The following PRKAG2 variants were observed in gnomAD, a reference collection of about 807,000 sequenced individuals.
PRKAG2 encodes the protein 5'-AMP-activated protein kinase subunit gamma-2.
In PRKAG2, 26 loss-of-function variants were observed where a neutral mutation model predicts 69.6. The ratio of observed to expected loss-of-function variants is 0.37; its 90% CI spans 0.27 to 0.52. PRKAG2 has a LOEUF of 0.52. PRKAG2 is among the 20% of genes least tolerant of loss of function. PRKAG2 has a pLI of 0.90. For missense variants in PRKAG2, 557 were observed against 740.0 expected, an observed-to-expected ratio of 0.75 and a Z score of 2.87; for synonymous variants, 293 against 285.0, an observed-to-expected ratio of 1.03 and a Z score of -0.28.
chr7:151,815,121 T>C (rs1016239121), intron 1 of PRKAG2, among the ~76,000 whole-genome samples: 1 of 152,178 alleles, frequency 6.6e-6, no homozygotes, highest in Admixed American at 6.5e-5. Context: ...TTTTCCCCTC[T>C]GGCCAGAAGG....
rs570004246 is a variant in PRKAG2 at position 151,601,604 on chromosome 7, A to G, written c.755-6150T>C. Among the ~76,000 whole-genome samples the G allele has an allele frequency of 3.3e-5, 5 of 152,280 alleles. No homozygotes were observed. In the South Asian group the frequency reaches 1.0e-3, roughly 32 times the overall value. On this transcript the variant is annotated intron_variant, in intron 5 of 15. Transcript: ENST00000287878. ...TGCTCTGAGGCTGTACAGACCTCAGAACTGTCTCGTGGGAGGACCACTCCT... is the reference window on the plus strand; with the variant it reads ...TGCTCTGAGGCTGTACAGACCTCAGGACTGTCTCGTGGGAGGACCACTCCT...
intron 3 of PRKAG2, among the ~76,000 whole-genome samples, chr7:151,750,496 A>G (rs1280850146): frequency 6.6e-6 from 1 of 152,254 alleles, no homozygotes; most frequent in Non-Finnish European, 1.5e-5. Flanking sequence ...TAGAAGCCAC[A>G]TGCAGAAGCC....
At chr7:151,733,164 C>G (rs1038482960) in intron 3 of PRKAG2, among the ~76,000 whole-genome samples, 2 of 152,222 alleles carry the variant, frequency 1.3e-5, no homozygotes, top group African/African-American at 4.8e-5. Flanking sequence ...TCCCGCCTCC[C>G]ACCCAGCCTA....
At chr7:151,761,339 G>T (rs1234347856) in intron 3 of PRKAG2, among the ~76,000 whole-genome samples, 1 of 152,140 alleles carries the variant, frequency 6.6e-6, no homozygotes, top group Non-Finnish European at 1.5e-5. Flanking sequence ...TTGTCCCGAG[G>T]TCACAAGATT....
At chr7:151,624,615 T>C (rs1011943113) in intron 5 of PRKAG2, among the ~76,000 whole-genome samples, 1 of 151,972 alleles carries the variant, frequency 6.6e-6, no homozygotes, top group Admixed American at 6.6e-5. Flanking sequence ...GAAAGGAAGG[T>C]GTCAAGGCGA....
intron 4 of PRKAG2, among the ~76,000 whole-genome samples, chr7:151,641,013 T>G (rs1826573089): frequency 6.6e-6 from 1 of 152,224 alleles, no homozygotes; most frequent in Admixed American, 6.5e-5. Context: ...ACCTCATTGC[T>G]GTTTGGAAAT....
At chr7:151,783,197 C>A (rs1308803000) in intron 2 of PRKAG2, among the ~76,000 whole-genome samples, 1 of 152,254 alleles carries the variant, frequency 6.6e-6, no homozygotes, top group Non-Finnish European at 1.5e-5. Context: ...GCCTCTCCAG[C>A]CGAAAGAGCC....
chr7:151,777,529 C>G lies in PRKAG2; in HGVS notation c.466+3623G>C, dbSNP rs1226621820. On this transcript the variant is annotated intron_variant, in intron 3 of 15. Coordinates refer to ENST00000287878, the MANE Select transcript of PRKAG2 (RefSeq NM_016203.4). The surrounding 1 kb of genome is among the most constrained non-coding windows in gnomAD (Gnocchi z 4.3). Reference sequence around the variant, plus strand: ...AAAGACTCCAGTACCTCCCCCCTCTCTCTTGCTCCCTTGCGTGTGAGCTCT... The same window carrying G: ...AAAGACTCCAGTACCTCCCCCCTCTGTCTTGCTCCCTTGCGTGTGAGCTCT... Among the ~76,000 whole-genome samples, 2 of 152,178 alleles carry G rather than the reference C, an allele frequency of 1.3e-5. No individual in the cohort carries two copies. The highest frequency in any genetic ancestry group is 4.8e-5 in the African/African-American group (2 of 41,438).
chr7:151,662,461 TA>T (rs1432514870), intron 4 of PRKAG2, among the ~76,000 whole-genome samples: 8 of 152,328 alleles, frequency 5.3e-5, no homozygotes, highest in African/African-American at 1.9e-4. Context: ...TGCACTTTTA[TA>T]ATGAATTCCT....
chr7:151,595,338 C>T lies in PRKAG2; in HGVS notation c.864+7G>A. On this transcript the variant is annotated splice_region_variant and intron_variant, in intron 6 of 15. Transcript: ENST00000287878. ...CCAAAAAATTCATGAAAATGGAGTA[C>T]ACTTACTTGTAATGTAGTATCAAAG... 1.2e-6 allele frequency: 2 copies of T among 1,600,776 alleles called. No homozygotes were observed. Among genetic ancestry groups the T allele is most frequent in the Non-Finnish European group, 8.6e-7 (1 of 1,168,426 alleles).
intron 3 of PRKAG2, among the ~76,000 whole-genome samples, chr7:151,677,840 C>T (rs1833186177): frequency 6.6e-6 from 1 of 152,342 alleles, no homozygotes; most frequent in African/African-American, 2.4e-5. Context: ...AATCTTCTTC[C>T]ACCACATGGC....
At chr7:151,769,400 C>T (rs2151774665) in intron 3 of PRKAG2, among the ~76,000 whole-genome samples, 1 of 152,296 alleles carries the variant, frequency 6.6e-6, no homozygotes, top group Admixed American at 6.5e-5. Flanking sequence ...CTCTTAATCT[C>T]CTTTGACTGC....
chr7:151,685,947 A>AT (rs1834657264), intron 3 of PRKAG2, among the ~76,000 whole-genome samples: 1 of 152,186 alleles, frequency 6.6e-6, no homozygotes, highest in African/African-American at 2.4e-5. Flanking sequence ...AGCTGGCTTA[A>AT]TCGAAGATGC....
chr7:151,641,691 C>A (rs1229260768), intron 4 of PRKAG2, among the ~76,000 whole-genome samples: 2 of 150,144 alleles, frequency 1.3e-5, no homozygotes, highest in East Asian at 2.0e-4. Context: ...AGTGCCAGCA[C>A]GTGCCACCAT....
rs61434934 is a variant in PRKAG2 at position 151,758,502 on chromosome 7, A to G, written c.466+22650T>C. 3.1e-3 allele frequency among the ~76,000 whole-genome samples: 469 copies of G among 152,272 alleles called. 1 individual carries two copies. Among genetic ancestry groups the G allele is most frequent in the African/African-American group, 0.011 (458 of 41,558 alleles). ...TGCCAGAACTGTTTCCATCTGAGGG[A>G]GGAGGGAAAAGGATAAAGGCATGTT... On this transcript the variant is annotated intron_variant, in intron 3 of 15. Coordinates refer to ENST00000287878, the MANE Select transcript of PRKAG2 (RefSeq NM_016203.4).
chr7:151,602,622 T>G (rs551779976), intron 5 of PRKAG2, among the ~76,000 whole-genome samples: 1 of 152,318 alleles, frequency 6.6e-6, no homozygotes, highest in East Asian at 1.9e-4. Flanking sequence ...CTGGAACAGT[T>G]CCTATATACT....
chr7:151,859,243 G>A (rs890591284), intron 1 of PRKAG2, among the ~76,000 whole-genome samples: 14 of 152,236 alleles, frequency 9.2e-5, no homozygotes, highest in African/African-American at 2.4e-4. Context: ...AGAACACTCC[G>A]CGGGGAACGG....
intron 5 of PRKAG2, among the ~76,000 whole-genome samples, chr7:151,612,790 A>AATAAC (rs1349693040): frequency 1.3e-5 from 2 of 152,276 alleles, no homozygotes; most frequent in East Asian, 3.8e-4. Flanking sequence ...GAAATAGTGC[A>AATAAC]ATAACCTGAA....
At chr7:151,662,073 C>T (rs1460878291) in intron 4 of PRKAG2, among the ~76,000 whole-genome samples, 3 of 152,180 alleles carry the variant, frequency 2.0e-5, no homozygotes, top group Admixed American at 2.0e-4. Flanking sequence ...TTTCACACAA[C>T]TCTATTGGTA....
Sources: allele counts gnomAD v4.1 joint callset (sites outside exome capture counted in the v4.1 genomes callset), GRCh38; gene constraint gnomAD v4.1.1; non-coding constraint Gnocchi (gnomAD v3.1); transcripts MANE v1.5; gene names NCBI Gene and HGNC (gene_info 2026-07-23, HGNC 2026-07-21).